Variants in PIK3R1 observed in about 807,000 individuals in gnomAD.
The protein encoded by PIK3R1 is phosphatidylinositol 3-kinase regulatory subunit alpha.
A neutral mutation model predicts 98.0 loss-of-function variants in PIK3R1; 29 were observed. That is an observed-to-expected ratio of 0.30 (90% CI 0.22 to 0.40). The LOEUF (loss-of-function observed/expected upper bound fraction) is 0.40, where lower values mean the gene tolerates loss of function less well. Ranked by LOEUF, PIK3R1 falls within the 10% of genes least tolerant of loss-of-function variation. PIK3R1 has a pLI of 1.00. For synonymous variants in PIK3R1, 282 were observed against 311.8 expected, an observed-to-expected ratio of 0.90 and a Z score of 1.01; for missense variants, 596 against 872.7, an observed-to-expected ratio of 0.68 and a Z score of 3.99.
At chr5:68,225,382 C>T (rs962445949) in intron 1 of PIK3R1, among the ~76,000 whole-genome samples, 2 of 152,172 alleles carry the variant, frequency 1.3e-5, no homozygotes, top group Admixed American at 6.5e-5. Context: ...CACTAGCACA[C>T]TTGCACAGGG....
At chr5:68,270,706 T>A (rs1367944940) in intron 2 of PIK3R1, among the ~76,000 whole-genome samples, 2 of 152,310 alleles carry the variant, frequency 1.3e-5, no homozygotes, top group African/African-American at 4.8e-5. Flanking sequence ...CAATAATGGA[T>A]CTTAATAAAT....
chr5:68,277,335 C>T (rs914744929), intron 4 of PIK3R1, among the ~76,000 whole-genome samples: 4 of 152,214 alleles, frequency 2.6e-5, no homozygotes, highest in Admixed American at 1.3e-4. Context: ...AGAGGATCTA[C>T]TACAGTGGTA....
At position 68,294,672 on chromosome 5, in the gene PIK3R1, T is replaced by C; in HGVS notation, c.1562T>C (p.Ile521Thr). Reference sequence around the variant, plus strand: ...AAACGTGAAGGCAATGAGAAAGAAATACAAAGGTTGGTGTTTCCCTTGTTC... The same window carrying C: ...AAACGTGAAGGCAATGAGAAAGAAACACAAAGGTTGGTGTTTCCCTTGTTC... Reference protein sequence around the residue: ...KFKREGNEKEIQRIMHNYDKL... With the variant: ...KFKREGNEKETQRIMHNYDKL... The change falls in exon 12 of 16, where the codon ATA (isoleucine) becomes ACA (threonine). Residue 521 changes from isoleucine (I) to threonine (T), a missense_variant. Ile to Thr is a moderately conservative substitution (Grantham distance 89). This residue lies in a region of PIK3R1 where 207 missense variants were observed against 361.4 expected (regional missense o/e 0.57). Coordinates refer to ENST00000521381, the MANE Select transcript of PIK3R1 (RefSeq NM_181523.3). 6.2e-7 allele frequency: 1 copy of C among 1,602,492 alleles called. No homozygotes were observed. The highest frequency in any genetic ancestry group is 8.5e-7 in the Non-Finnish European group (1 of 1,175,994).
intron 2 of PIK3R1, among the ~76,000 whole-genome samples, chr5:68,246,955 T>G (rs1307816347): frequency 6.6e-6 from 1 of 152,234 alleles, no homozygotes; most frequent in African/African-American, 2.4e-5. Context: ...GCAGTCTTTC[T>G]GAAGCTGAAT....
chr5:68,270,649 T>C (rs1166762149), intron 2 of PIK3R1, among the ~76,000 whole-genome samples: 1 of 152,164 alleles, frequency 6.6e-6, no homozygotes, highest in African/African-American at 2.4e-5. Context: ...TTTTTGAGAT[T>C]TGGGGTGTGC....
rs111602460 is a variant in PIK3R1 at position 68,300,320 on chromosome 5, T to C, written c.*2719T>C. 2.1e-4 allele frequency: 50 copies of C among 233,106 alleles called. No individual in the cohort carries two copies. The highest frequency in any genetic ancestry group is 1.0e-3 in the African/African-American group (46 of 45,458). The allele number at this position is 233,106 out of a possible 1,614,324, so 14.4% of individuals were successfully genotyped here. On this transcript the variant is annotated 3_prime_UTR_variant, in exon 16 of 16. Coordinates refer to ENST00000521381, the MANE Select transcript of PIK3R1 (RefSeq NM_181523.3). ...TGCCCACCGCATTTGTCGTTTTAGA[T>C]ACTTTGCTAGCCGGCCACTTTGGAT... is the stretch of plus-strand genomic sequence containing the variant.
chr5:68,284,079 C>T (rs780875462), intron 7 of PIK3R1, among the ~76,000 whole-genome samples: 1 of 152,176 alleles, frequency 6.6e-6, no homozygotes, highest in African/African-American at 2.4e-5. Flanking sequence ...TCAACTCTCT[C>T]GAGTAACTCA....
At position 68,298,312 on chromosome 5, in the gene PIK3R1, A is replaced by G. The variant is rs1217116623; in HGVS notation, c.*711A>G. The G allele has an allele frequency of 4.3e-6, 1 of 233,220 alleles. No homozygotes were observed. Among genetic ancestry groups the G allele is most frequent in the Non-Finnish European group, 8.5e-6 (1 of 117,846 alleles). The allele number at this position is 233,220 out of a possible 1,614,324, so 14.4% of individuals were successfully genotyped here. On this transcript the variant is annotated 3_prime_UTR_variant, in exon 16 of 16. Coordinates refer to ENST00000521381, the MANE Select transcript of PIK3R1 (RefSeq NM_181523.3). ...ATGACATTCAGTATATAAAATATGT[A>G]CATAATATTGGATGACTAACTATCA...
Position 68,297,854 on chromosome 5 carries a change from A to T in PIK3R1, c.*253A>T, listed in dbSNP as rs1747819053. The T allele has an allele frequency of 6.0e-6, 2 of 333,530 alleles. No homozygotes were observed. The highest frequency in any genetic ancestry group is 1.1e-5 in the Non-Finnish European group (2 of 183,380). The allele number at this position is 333,530 out of a possible 1,614,324, so 20.7% of individuals were successfully genotyped here. ...TCTTTTTTTCTTTGGTTTAATTTAA[A>T]GCCACAACCACATACAACACAAAGA... is the stretch of plus-strand genomic sequence containing the variant. On this transcript the variant is annotated 3_prime_UTR_variant, in exon 16 of 16. Transcript: ENST00000521381.
At chr5:68,279,518 G>A in intron 4 of PIK3R1, 84 bp from the exon 5 acceptor site, 2 of 910,262 alleles carry the variant, frequency 2.2e-6, no homozygotes, top group Non-Finnish European at 3.2e-6. Flanking sequence ...TTTGTCACAT[G>A]TGAGTCAAAT....
chr5:68,277,274 G>A (rs1746616595), intron 4 of PIK3R1, among the ~76,000 whole-genome samples: 3 of 152,154 alleles, frequency 2.0e-5, no homozygotes, highest in Admixed American at 2.0e-4. Flanking sequence ...TTATTTGACA[G>A]TATTTAATTA....
chr5:68,269,468 G>A (rs1012132036), intron 2 of PIK3R1, among the ~76,000 whole-genome samples: 3 of 152,080 alleles, frequency 2.0e-5, no homozygotes, highest in Non-Finnish European at 2.9e-5. Flanking sequence ...GATAATATTT[G>A]CATCTTTTTG....
At chr5:68,241,211 A>T (rs1348440146) in intron 2 of PIK3R1, among the ~76,000 whole-genome samples, 1 of 152,116 alleles carries the variant, frequency 6.6e-6, no homozygotes, top group Non-Finnish European at 1.5e-5. Flanking sequence ...GGCCTCCTAA[A>T]ATGAGAGGAA....
At chr5:68,235,616 G>A (rs937194606) in intron 2 of PIK3R1, among the ~76,000 whole-genome samples, 4 of 151,926 alleles carry the variant, frequency 2.6e-5, no homozygotes, top group African/African-American at 9.7e-5. Flanking sequence ...CTTTCAGGTA[G>A]CAAAAAGTAA....
chr5:68,254,032 A>G (rs1382019224), intron 2 of PIK3R1, among the ~76,000 whole-genome samples: 1 of 114,728 alleles, frequency 8.7e-6, no homozygotes, highest in Admixed American at 9.4e-5. Context: ...ATCTTGAGTG[A>G]TTTTTAAATG....
At chr5:68,221,487 C>T (rs963776569) in intron 1 of PIK3R1, among the ~76,000 whole-genome samples, 7 of 152,180 alleles carry the variant, frequency 4.6e-5, no homozygotes, top group Non-Finnish European at 7.3e-5. Context: ...AGACCCATTT[C>T]GTGCTGCCAT....
intron 2 of PIK3R1, among the ~76,000 whole-genome samples, chr5:68,266,916 A>G (rs1746143982): frequency 6.6e-6 from 1 of 152,158 alleles, no homozygotes; most frequent in Non-Finnish European, 1.5e-5. Context: ...CATTCAGCAA[A>G]CAGCCTACCG....
chr5:68,245,858 CT>C lies in PIK3R1; in HGVS notation c.334+18855del, dbSNP rs1229368224. Among the ~76,000 whole-genome samples the C allele has an allele frequency of 7.9e-5, 12 of 152,222 alleles. No homozygotes were observed. The South Asian group carries it at 1.5e-3, about 18-fold the overall frequency. On this transcript the variant is annotated intron_variant, in intron 2 of 15. Transcript: ENST00000521381. ...AGAGTAGTAATGAACTCTTCTTCAC[CT>C]TTTTTGAGGCTGTCCAAAGAAGAAA...
chr5:68,253,062 A>T (rs1745379086), intron 2 of PIK3R1, among the ~76,000 whole-genome samples: 1 of 152,176 alleles, frequency 6.6e-6, no homozygotes, highest in South Asian at 2.1e-4. Flanking sequence ...TCTCCTAGCA[A>T]TACTAATTTT....
Sources: gnomAD v4.1 joint callset for allele counts (sites outside exome capture counted in the v4.1 genomes callset) on GRCh38, gnomAD v4.1.1 for gene constraint, gnomAD v4.1.1 regional missense constraint, MANE v1.5 for transcripts, NCBI Gene and HGNC (gene_info 2026-07-23, HGNC 2026-07-21) for gene names.